The following CHLSN variants were observed in gnomAD, a reference collection of about 807,000 sequenced individuals.
CHLSN encodes the protein protein cholesin.
At chr7:1,026,339 G>C in the CHLSN span, 1 of 152,246 alleles carries the variant, frequency 6.6e-6, no homozygotes, top group Non-Finnish European at 1.5e-5. Flanking sequence ...TGCTGGGCGC[G>C]CAACAGCTGT....
At chr7:1,042,224 T>C in the CHLSN span, among the ~76,000 whole-genome samples, 1 of 151,526 alleles carries the variant, frequency 6.6e-6, no homozygotes, top group Non-Finnish European at 1.5e-5. Flanking sequence ...TCAAATGCCC[T>C]CAGCAGCCAC....
At chr7:998,693 G>A in the CHLSN span, among the ~76,000 whole-genome samples, 7 of 152,028 alleles carry the variant, frequency 4.6e-5, no homozygotes, top group African/African-American at 9.7e-5. Context: ...TGATCCACCC[G>A]CCTCAGACTC....
At chr7:1,121,237 G>A in the CHLSN span, among the ~76,000 whole-genome samples, 2 of 152,052 alleles carry the variant, frequency 1.3e-5, no homozygotes, top group African/African-American at 2.4e-5. Flanking sequence ...AAATTCAGTC[G>A]GCAGACAACC....
the CHLSN span, among the ~76,000 whole-genome samples, chr7:1,027,386 G>C: frequency 6.6e-6 from 1 of 152,248 alleles, no homozygotes; most frequent in Non-Finnish European, 1.5e-5. Flanking sequence ...CCTGGTCCAC[G>C]GCCCCCGGCT....
chr7:989,004 G>T, the CHLSN span: 4 of 540,576 alleles, frequency 7.4e-6, no homozygotes, highest in Admixed American at 1.3e-4. Context: ...ACCCCTGCCC[G>T]ACCCTGTGGG....
chr7:1,083,646 A>AC, the CHLSN span, among the ~76,000 whole-genome samples: 2 of 147,710 alleles, frequency 1.4e-5, no homozygotes, highest in African/African-American at 5.2e-5. Context: ...AACAAAAAAA[A>AC]CAAAAAAAAA....
the CHLSN span, among the ~76,000 whole-genome samples, chr7:1,096,318 C>T: frequency 7.6e-4 from 116 of 152,278 alleles, no homozygotes; most frequent in Admixed American, 2.3e-3. This position sits in a 1 kb window ranked among gnomAD's most constrained non-coding sequence, Gnocchi z 4.6. Flanking sequence ...GCCAGTCACA[C>T]GAGCGACAGG....
At chr7:1,135,772 A>AAT in the CHLSN span, among the ~76,000 whole-genome samples, 6,194 of 97,208 alleles carry the variant, frequency 0.064, 230 homozygotes, top group African/African-American at 0.18. Flanking sequence ...CTCAAAAAGA[A>AAT]ATATATATAT....
chr7:1,081,537 T>C, the CHLSN span, among the ~76,000 whole-genome samples: 4 of 152,234 alleles, frequency 2.6e-5, no homozygotes, highest in Admixed American at 2.0e-4. Flanking sequence ...AGAAAGCCTG[T>C]GCTGGCATCC....
chr7:1,063,222 C>T, the CHLSN span, among the ~76,000 whole-genome samples: 1 of 152,202 alleles, frequency 6.6e-6, no homozygotes, highest in East Asian at 1.9e-4. Flanking sequence ...TTCCACGCGA[C>T]GCTGTCCCCA....
the CHLSN span, among the ~76,000 whole-genome samples, chr7:1,121,675 G>A: frequency 3.3e-5 from 5 of 152,258 alleles, 1 homozygote; most frequent in Admixed American, 2.6e-4. Flanking sequence ...CCACAGCCAG[G>A]CGGTCACGCC....
At chr7:983,188 T>G in the CHLSN span, 1 of 1,453,176 alleles carries the variant, frequency 6.9e-7, no homozygotes, top group Non-Finnish European at 9.2e-7. Flanking sequence ...AGGAGGGGAG[T>G]GGAGCCTCAC....
At chr7:987,008 C>G in the CHLSN span, 2 of 1,396,388 alleles carry the variant, frequency 1.4e-6, no homozygotes, top group Non-Finnish European at 1.9e-6. Context: ...GAGCCCAGAT[C>G]ACCGGGGCAT....
At chr7:1,106,046 T>C in the CHLSN span, among the ~76,000 whole-genome samples, 1 of 152,200 alleles carries the variant, frequency 6.6e-6, no homozygotes, top group African/African-American at 2.4e-5. Flanking sequence ...TTTCCTTGTA[T>C]GATTTCGATG....
chr7:992,396 C>G, the CHLSN span, among the ~76,000 whole-genome samples: 647 of 152,348 alleles, frequency 4.2e-3, 4 homozygotes, highest in African/African-American at 0.015. Context: ...GAGGCCCCCC[C>G]ACAGTAAGCT....
At chr7:1,092,121 C>T in the CHLSN span, 2 of 1,613,816 alleles carry the variant, frequency 1.2e-6, no homozygotes, top group Non-Finnish European at 1.7e-6. Flanking sequence ...TCCTGTGCAC[C>T]TTCATGTCGC....
chr7:1,029,858 T>G, the CHLSN span, among the ~76,000 whole-genome samples: 1 of 152,156 alleles, frequency 6.6e-6, no homozygotes, highest in Admixed American at 6.5e-5. Flanking sequence ...CCTGTTCCCA[T>G]GCAGAGGCCT....
the CHLSN span, among the ~76,000 whole-genome samples, chr7:1,013,833 A>C: frequency 6.6e-5 from 10 of 152,370 alleles, no homozygotes; most frequent in African/African-American, 2.4e-4. Flanking sequence ...GATGAAATAC[A>C]GACACTCATA....
the CHLSN span, chr7:1,137,974 G>A: frequency 6.7e-6 from 1 of 149,578 alleles, no homozygotes; most frequent in Non-Finnish European, 1.5e-5. Flanking sequence ...AGAGGCGGGT[G>A]CGGGTGTCGG....
Sources: gnomAD v4.1 joint callset for allele counts (sites outside exome capture counted in the v4.1 genomes callset) on GRCh38, gnomAD v4.1.1 for gene constraint, Gnocchi (gnomAD v3.1) non-coding constraint, MANE v1.5 for transcripts, NCBI Gene and HGNC (gene_info 2026-07-23, HGNC 2026-07-21) for gene names.